The following NKAIN3 variants were observed in gnomAD, a reference collection of about 807,000 sequenced individuals.
NKAIN3 encodes the protein sodium/potassium transporting ATPase interacting 3.
A neutral mutation model predicts 30.2 loss-of-function variants in NKAIN3; 25 were observed. The ratio of observed to expected loss-of-function variants is 0.83; its 90% confidence interval spans 0.60 to 1.16. NKAIN3 has a LOEUF of 1.16. Ranked by LOEUF, NKAIN3 falls within the 50% of genes most tolerant of loss-of-function variation. The pLI is 0.00. For missense variants in NKAIN3, 225 were observed against 254.1 expected (o/e 0.89, Z 0.78); for synonymous variants, 91 against 89.6 (o/e 1.02, Z -0.09).
intron 1 of NKAIN3, among the ~76,000 whole-genome samples, chr8:62,432,825 T>C (rs763989256): frequency 6.6e-6 from 1 of 152,170 alleles, no homozygotes; most frequent in Non-Finnish European, 1.5e-5. Context: ...AAGATCACTA[T>C]GCATTTCACA....
chr8:62,294,836 C>A (rs1813775441), intron 1 of NKAIN3, among the ~76,000 whole-genome samples: 1 of 152,168 alleles, frequency 6.6e-6, no homozygotes, highest in Non-Finnish European at 1.5e-5. Flanking sequence ...TGAGTCACTG[C>A]ACCTGGCCTC....
At chr8:62,728,998 CAAAAAACAAAACA>C (rs1815359200) in intron 3 of NKAIN3, among the ~76,000 whole-genome samples, 2 of 23,648 alleles carry the variant, frequency 8.5e-5, no homozygotes, top group Non-Finnish European at 1.8e-4. Context: ...TCAAACAAAA[CAAAAAACAAAACA>C]AAACAAACAA....
intron 3 of NKAIN3, among the ~76,000 whole-genome samples, chr8:62,683,376 T>C (rs1411003339): frequency 6.6e-6 from 1 of 152,166 alleles, no homozygotes; most frequent in Non-Finnish European, 1.5e-5. Context: ...TGCTTCACAA[T>C]GCAGTTGGTA....
At chr8:62,777,098 G>T (rs894962238) in intron 4 of NKAIN3, among the ~76,000 whole-genome samples, 1 of 152,092 alleles carries the variant, frequency 6.6e-6, no homozygotes, top group Non-Finnish European at 1.5e-5. Context: ...CATGTTATTT[G>T]TTTTCTTTTG....
chr8:62,345,620 CAT>C (rs1295761116), intron 1 of NKAIN3, among the ~76,000 whole-genome samples: 2,059 of 134,384 alleles, frequency 0.015, 226 homozygotes, highest in African/African-American at 0.062. Flanking sequence ...TATATACACA[CAT>C]ATATATACAC....
chr8:62,766,332 C>G (rs1047359793), intron 4 of NKAIN3, among the ~76,000 whole-genome samples: 1 of 152,168 alleles, frequency 6.6e-6, no homozygotes, highest in Non-Finnish European at 1.5e-5. Context: ...CAAGAAAATG[C>G]TATTCGGCTT....
intron 1 of NKAIN3, among the ~76,000 whole-genome samples, chr8:62,317,615 G>A (rs537116316): frequency 1.0e-3 from 153 of 152,254 alleles, no homozygotes; most frequent in African/African-American, 3.5e-3. Flanking sequence ...TGAGGGCTCT[G>A]TTCTGTTCCA....
At chr8:62,939,595 A>C (rs2130881165) in intron 5 of NKAIN3, among the ~76,000 whole-genome samples, 1 of 152,326 alleles carries the variant, frequency 6.6e-6, no homozygotes, top group Middle Eastern at 3.4e-3. Context: ...GTGGGGTCCT[A>C]TCTTTAGCCT....
chr8:62,434,633 A>T (rs1805113985), intron 1 of NKAIN3, among the ~76,000 whole-genome samples: 1 of 152,170 alleles, frequency 6.6e-6, no homozygotes, highest in Non-Finnish European at 1.5e-5. Context: ...CATCATGATC[A>T]AGGCATTCCT....
intron 2 of NKAIN3, 114 bp from the exon 3 acceptor site, chr8:62,589,600 C>G: frequency 1.9e-6 from 1 of 519,150 alleles, no homozygotes; most frequent in Admixed American, 3.3e-5. Context: ...AGCGCTCCGT[C>G]AGTTTCTTCC....
chr8:62,993,709 A>T (rs1804034464), intron 5 of NKAIN3, among the ~76,000 whole-genome samples: 1 of 152,154 alleles, frequency 6.6e-6, no homozygotes, highest in African/African-American at 2.4e-5. Context: ...GAAGGATGGA[A>T]ATGAGAAAAA....
intron 4 of NKAIN3, among the ~76,000 whole-genome samples, chr8:62,877,707 T>C (rs1404260723): frequency 1.3e-5 from 2 of 152,196 alleles, no homozygotes; most frequent in African/African-American, 4.8e-5. Context: ...ATGGACGGCT[T>C]ATTTTCATAT....
intron 1 of NKAIN3, among the ~76,000 whole-genome samples, chr8:62,573,042 G>A (rs760181270): frequency 8.5e-5 from 13 of 152,272 alleles, no homozygotes; most frequent in Non-Finnish European, 1.8e-4. Flanking sequence ...AGACTTGCAG[G>A]AAATGTTATT....
chr8:62,377,786 G>A (rs576275760), intron 1 of NKAIN3, among the ~76,000 whole-genome samples: 1 of 152,254 alleles, frequency 6.6e-6, no homozygotes, highest in East Asian at 1.9e-4. Flanking sequence ...TTTCCGCCAT[G>A]GTTGTAAGTT....
At chr8:62,538,424 C>A (rs1808734218) in intron 1 of NKAIN3, among the ~76,000 whole-genome samples, 1 of 152,172 alleles carries the variant, frequency 6.6e-6, no homozygotes, top group South Asian at 2.1e-4. Flanking sequence ...ATTCCCCCAC[C>A]TCGGCCTCCC....
At chr8:62,857,400 A>G (rs1256886314) in intron 4 of NKAIN3, among the ~76,000 whole-genome samples, 1 of 152,174 alleles carries the variant, frequency 6.6e-6, no homozygotes, top group East Asian at 1.9e-4. Flanking sequence ...CTGTGTTGCC[A>G]GGTTGAGGAA....
chr8:62,259,895 G>A lies in NKAIN3; in HGVS notation c.54+10768G>A, dbSNP rs141663841. ...GAGACGAAGGTGAAGGTGGGTGGGC[G>A]GCAGGAGTTGGAGTACTGACAAGGG... On this transcript the variant is annotated intron_variant, in intron 1 of 6. Coordinates refer to ENST00000623646, the MANE Select transcript of NKAIN3 (RefSeq NM_001304533.3). Among the ~76,000 whole-genome samples the A allele has an allele frequency of 1.9e-3, 284 of 152,212 alleles. 1 individual carries two copies. Among genetic ancestry groups the A allele is most frequent in the Admixed American group, 5.9e-3 (90 of 15,290 alleles).
chr8:62,498,797 C>T (rs1807322546), intron 1 of NKAIN3, among the ~76,000 whole-genome samples: 1 of 151,626 alleles, frequency 6.6e-6, no homozygotes, highest in Admixed American at 6.6e-5. Flanking sequence ...GACAGCAGCT[C>T]AGACCCCGTC....
At chr8:62,540,458 T>C (rs1808802392) in intron 1 of NKAIN3, among the ~76,000 whole-genome samples, 1 of 152,216 alleles carries the variant, frequency 6.6e-6, no homozygotes, top group African/African-American at 2.4e-5. Flanking sequence ...GTGTACTACA[T>C]TTCCATTCTT....
Sources: gnomAD v4.1 joint callset for allele counts (sites outside exome capture counted in the v4.1 genomes callset) on GRCh38, gnomAD v4.1.1 for gene constraint, MANE v1.5 for transcripts, NCBI Gene and HGNC (gene_info 2026-07-23, HGNC 2026-07-21) for gene names.